Variants in ATP2B1 observed in about 807,000 individuals in gnomAD.
The protein encoded by ATP2B1 is plasma membrane calcium-transporting ATPase 1.
In ATP2B1, 14 loss-of-function variants were observed where a neutral mutation model predicts 124.2. The ratio of observed to expected loss-of-function variants is 0.11; its 90% CI spans 0.07 to 0.18. ATP2B1 has a LOEUF of 0.18. Ranked by LOEUF, ATP2B1 falls within the 10% of genes least tolerant of loss-of-function variation. The pLI, the probability that ATP2B1 is intolerant of heterozygous loss-of-function variation, is 1.00. For synonymous variants in ATP2B1, 449 were observed against 492.4 expected, an observed-to-expected ratio of 0.91 and a Z score of 1.17; for missense variants, 763 against 1,466.1, an observed-to-expected ratio of 0.52 and a Z score of 7.83.
At chr12:89,650,815 G>A (rs779024502) in intron 2 of ATP2B1, among the ~76,000 whole-genome samples, 14 of 151,832 alleles carry the variant, frequency 9.2e-5, no homozygotes, top group Non-Finnish European at 1.9e-4. Context: ...TGAGATGAAA[G>A]ATATACCAAA....
At chr12:89,645,079 G>A (rs1266513654) in intron 2 of ATP2B1, among the ~76,000 whole-genome samples, 1 of 152,156 alleles carries the variant, frequency 6.6e-6, no homozygotes, top group Admixed American at 6.5e-5. Flanking sequence ...CTGAAATCTT[G>A]TGCAAGTCAC....
chr12:89,613,525 A>C (rs1161027988), intron 12 of ATP2B1, among the ~76,000 whole-genome samples: 2 of 151,976 alleles, frequency 1.3e-5, no homozygotes, highest in Non-Finnish European at 2.9e-5. Context: ...GCCTGCTTAG[A>C]TTATTTTTTC....
Position 89,611,343 on chromosome 12 carries a change from C to T in ATP2B1, c.2097G>A (p.Arg699=), listed in dbSNP as rs745903934. The change falls in exon 13 of 21, where the codon AGG becomes AGA. Residue 699 remains arginine, a synonymous_variant. Transcript: ENST00000428670. ...TGACCATCCGCACAGTAATTCCAGC[C>T]CTCTGACACTTTTTAATTGCATCTG... ...EVPDAIKKCQ[R]AGITVRMVTG... 2.0e-6 allele frequency: 3 copies of T among 1,535,130 alleles called. No individual in the cohort carries two copies. Among genetic ancestry groups the T allele is most frequent in the African/African-American group, 2.8e-5 (2 of 70,888 alleles).
chr12:89,636,371 C>G (rs73196675), intron 3 of ATP2B1, among the ~76,000 whole-genome samples: 21,635 of 149,382 alleles, frequency 0.14, 1,917 homozygotes, highest in Non-Finnish European at 0.2. Flanking sequence ...AAAAATGGAA[C>G]AAAACAAAAT....
intron 10 of ATP2B1, among the ~76,000 whole-genome samples, chr12:89,620,779 C>A (rs1258053497): frequency 6.6e-6 from 1 of 152,074 alleles, no homozygotes; most frequent in East Asian, 1.9e-4. Flanking sequence ...GTATTAAGGG[C>A]AGATGTGATC....
intron 2 of ATP2B1, among the ~76,000 whole-genome samples, chr12:89,651,303 A>C (rs765494871): frequency 4.6e-5 from 7 of 152,020 alleles, no homozygotes; most frequent in Non-Finnish European, 1.0e-4. Context: ...ACAGGGTCTC[A>C]CTCTTTTGTG....
chr12:89,598,805 G>T, intron 20 of ATP2B1: 1 of 1,583,100 alleles, frequency 6.3e-7, no homozygotes, highest in African/African-American at 1.4e-5. Context: ...CAAGAGAAAG[G>T]ACCATTCCAT....
At position 89,635,197 on chromosome 12, in the gene ATP2B1, A is replaced by G; in HGVS notation, c.461T>C (p.Ile154Thr). The G allele has an allele frequency of 6.2e-7, 1 of 1,613,774 alleles. No homozygotes were observed. Reference sequence around the variant, plus strand: ...AGACAAGAGGATTGCAGCTCCTTCAATCCAACCAGTTTCACCTTCACCTTC... The same window carrying G: ...AGACAAGAGGATTGCAGCTCCTTCAGTCCAACCAGTTTCACCTTCACCTTC... ...EEEGEGETGW[I>T]EGAAILLSVV... Residue 154 changes from isoleucine (I) to threonine (T), a missense_variant, in exon 4 of 21, where the codon ATT becomes ACT. Transcript: ENST00000428670.
At chr12:89,696,448 T>C (rs139799764) in intron 1 of ATP2B1, among the ~76,000 whole-genome samples, 2 of 152,218 alleles carry the variant, frequency 1.3e-5, no homozygotes, top group South Asian at 2.1e-4. Context: ...GGACTAGCCA[T>C]AGGATACAAC....
chr12:89,660,985 TTA>T (rs1301701129), intron 1 of ATP2B1, among the ~76,000 whole-genome samples: 1 of 152,180 alleles, frequency 6.6e-6, no homozygotes, highest in East Asian at 1.9e-4. Flanking sequence ...AAACTAGTAT[TTA>T]CAAAGGGTCT....
At chr12:89,598,500 A>G in intron 20 of ATP2B1, 2 of 1,394,008 alleles carry the variant, frequency 1.4e-6, no homozygotes, top group Non-Finnish European at 1.9e-6. Context: ...AAGCCTGAAC[A>G]ATGAATTCAA....
chr12:89,644,731 A>T (rs1565864315), intron 2 of ATP2B1, among the ~76,000 whole-genome samples: 1 of 152,206 alleles, frequency 6.6e-6, no homozygotes. Flanking sequence ...GATAGTGGTT[A>T]TATGAGCCTA....
chr12:89,682,645 C>A (rs1018509765), intron 1 of ATP2B1, among the ~76,000 whole-genome samples: 1 of 152,126 alleles, frequency 6.6e-6, no homozygotes, highest in Non-Finnish European at 1.5e-5. Flanking sequence ...TGTGTTGGGA[C>A]TACTGAACAG....
chr12:89,618,838 AAACT>A (rs1879458425), intron 11 of ATP2B1, among the ~76,000 whole-genome samples: 1 of 152,238 alleles, frequency 6.6e-6, no homozygotes, highest in African/African-American at 2.4e-5. Flanking sequence ...TTTGTCTCTT[AAACT>A]AATTGTAAAG....
intron 1 of ATP2B1, among the ~76,000 whole-genome samples, chr12:89,662,383 T>C (rs1264646017): frequency 6.6e-6 from 1 of 152,190 alleles, no homozygotes; most frequent in East Asian, 1.9e-4. Flanking sequence ...ATTATACATA[T>C]CAAACAGATA....
chr12:89,696,266 G>A (rs1199589736), intron 1 of ATP2B1, among the ~76,000 whole-genome samples: 1 of 152,180 alleles, frequency 6.6e-6, no homozygotes, highest in Non-Finnish European at 1.5e-5. Flanking sequence ...CAGCCTCAGA[G>A]AAAGGAGACT....
At chr12:89,634,428 A>G (rs1412721085) in intron 5 of ATP2B1, among the ~76,000 whole-genome samples, 2 of 152,194 alleles carry the variant, frequency 1.3e-5, no homozygotes, top group African/African-American at 2.4e-5. Flanking sequence ...TTAATTTTAT[A>G]CTTCAATAGG....
rs1433139408 is a variant in ATP2B1 at position 89,590,914 on chromosome 12, A to G, written c.*70T>C. 4 of 1,420,674 alleles carry G rather than the reference A, an allele frequency of 2.8e-6. No homozygotes were observed. Among genetic ancestry groups the G allele is most frequent in the African/African-American group, 1.4e-5 (1 of 70,232 alleles). 88.0% of individuals were successfully genotyped at this position (1,420,674 alleles called of 1,614,324 possible). A position where few individuals can be genotyped will look rare whatever the true frequency, so the allele number is the denominator to read the frequency against. On this transcript the variant is annotated 3_prime_UTR_variant, in exon 21 of 21. Coordinates refer to ENST00000428670, the MANE Select transcript of ATP2B1 (RefSeq NM_001366521.1). Reference sequence around the variant, plus strand: ...CAAGAATACTAGCTTGTCCATCACAATATGTGAAAAGACCCAGTTTCAATT... The same window carrying G: ...CAAGAATACTAGCTTGTCCATCACAGTATGTGAAAAGACCCAGTTTCAATT...
chr12:89,685,404 C>T (rs1055640440), intron 1 of ATP2B1, among the ~76,000 whole-genome samples: 1 of 152,138 alleles, frequency 6.6e-6, no homozygotes, highest in African/African-American at 2.4e-5. Context: ...CCTCCCTCCC[C>T]CATCCTCAGG....
Sources: gnomAD v4.1 joint callset for allele counts (sites outside exome capture counted in the v4.1 genomes callset) on GRCh38, gnomAD v4.1.1 for gene constraint, MANE v1.5 for transcripts, NCBI Gene and HGNC (gene_info 2026-07-23, HGNC 2026-07-21) for gene names.